Variants in DHX36 observed in about 807,000 individuals in gnomAD.
DHX36 encodes ATP-dependent DNA/RNA helicase DHX36.
A neutral mutation model predicts 139.0 loss-of-function variants in DHX36; 50 were observed. The observed-to-expected ratio is 0.36, with a 90% CI of 0.29 to 0.46. DHX36 has a LOEUF of 0.46. Among genes scored for constraint, DHX36 ranks in the 20% least tolerant of loss-of-function variants. The pLI is 1.00. For synonymous variants in DHX36, 425 were observed against 401.9 expected, an observed-to-expected ratio of 1.06 and a Z score of -0.69; for missense variants, 1,024 against 1,211.3, an observed-to-expected ratio of 0.85 and a Z score of 2.29.
rs1713189685 is a variant in DHX36 at position 154,321,651 on chromosome 3, T to C, written c.243+2523A>G. On this transcript the variant is annotated intron_variant, in intron 1 of 24. Coordinates refer to ENST00000496811, the MANE Select transcript of DHX36 (RefSeq NM_020865.3). ...TGTTGAAAGAACATTTGTTCAAGAA[T>C]GCATCATTAGAATGCATTCATTTTC... 5.9e-5 allele frequency among the ~76,000 whole-genome samples: 9 copies of C among 152,334 alleles called. No homozygotes were observed. The South Asian group carries it at 1.9e-3, about 32-fold the overall frequency.
In DHX36 at chr3:154,284,595, C is replaced by T; in HGVS notation, c.2280G>A (p.Val760=). The change falls in exon 19 of 25, where the codon GTG becomes GTA. Residue 760 remains valine, a synonymous_variant. Transcript: ENST00000496811. ...KDTRSDHLTV[V]NAFEGWEEAR... is the part of the protein sequence containing the mutation. ...TTTTTTTTTTTACCTCAAACGCATT[C>T]ACAACTGTTAAGTGATCACTTCTAG... The T allele has an allele frequency of 6.2e-7, 1 of 1,604,208 alleles. No individual in the cohort carries two copies. Among genetic ancestry groups the T allele is most frequent in the South Asian group, 1.1e-5 (1 of 88,206 alleles).
At chr3:154,286,009 G>GT (rs1445295440) in intron 17 of DHX36, among the ~76,000 whole-genome samples, 5 of 151,454 alleles carry the variant, frequency 3.3e-5, no homozygotes, top group African/African-American at 1.2e-4. Context: ...AGAAAAATTT[G>GT]TTTAATATTT....
chr3:154,315,178 G>A lies in DHX36; in HGVS notation c.471C>T (p.Ile157=). 6 of 1,613,166 alleles carry A rather than the reference G, an allele frequency of 3.7e-6. No individual in the cohort carries two copies. Among genetic ancestry groups the A allele is most frequent in the Non-Finnish European group, 5.1e-6 (6 of 1,179,548 alleles). Residue 157 remains isoleucine, a synonymous_variant, in exon 3 of 25, where the codon ATC becomes ATT. Transcript: ENST00000496811. ...LINQEKKMFR[I]RNRSYIDRDS... Reference sequence around the variant, plus strand: ...CTCGGTCAATATATGATCTGTTCCTGATTCTAAACATTTTTTTTTCTTGAT... The same window carrying A: ...CTCGGTCAATATATGATCTGTTCCTAATTCTAAACATTTTTTTTTCTTGAT...
intron 13 of DHX36, among the ~76,000 whole-genome samples, chr3:154,294,189 A>C (rs1353341041): frequency 1.3e-5 from 2 of 152,180 alleles, no homozygotes; most frequent in Admixed American, 6.5e-5. Flanking sequence ...AACACTGAAT[A>C]ATCAGGCAGA....
intron 17 of DHX36, among the ~76,000 whole-genome samples, chr3:154,286,677 A>G (rs1051691407): frequency 7.2e-5 from 11 of 152,086 alleles, no homozygotes; most frequent in African/African-American, 2.7e-4. Flanking sequence ...AAGACTCAAT[A>G]CTGTAAAGAT....
At chr3:154,307,691 A>G (rs1450968392) in intron 5 of DHX36, among the ~76,000 whole-genome samples, 2 of 152,112 alleles carry the variant, frequency 1.3e-5, no homozygotes, top group Non-Finnish European at 2.9e-5. Context: ...CACAGCCTCT[A>G]TAGAAAACAG....
intron 4 of DHX36, among the ~76,000 whole-genome samples, chr3:154,310,306 A>G (rs1051201517): frequency 2.0e-5 from 3 of 152,188 alleles, no homozygotes; most frequent in Admixed American, 2.0e-4. Context: ...GTCATTGAAT[A>G]TCTAAACCAA....
chr3:154,290,307 G>C (rs1365606514), intron 15 of DHX36, among the ~76,000 whole-genome samples: 1 of 152,102 alleles, frequency 6.6e-6, no homozygotes, highest in Non-Finnish European at 1.5e-5. Flanking sequence ...TATGTAACTA[G>C]AGCCATGAAT....
chr3:154,292,355 AAATAG>A (rs1161194384), intron 15 of DHX36, among the ~76,000 whole-genome samples, 191 bp downstream of exon 15: 1 of 152,230 alleles, frequency 6.6e-6, no homozygotes, highest in Non-Finnish European at 1.5e-5. Flanking sequence ...AAGATTCATA[AAATAG>A]AAAACTTGGC....
Position 154,283,257 on chromosome 3 carries a change from A to G in DHX36, c.2307T>C (p.Ala769=). ...VVNAFEGWEE[A]RRRGFRYEKD... ...TTTCGTATCTGAAACCACGTCGCCT[A>G]GCCTCTTCCCAGCCCTATGGGGCAA... The change falls in exon 20 of 25, where the codon GCT becomes GCC. Residue 769 remains alanine, a synonymous_variant. Coordinates refer to ENST00000496811, the MANE Select transcript of DHX36 (RefSeq NM_020865.3). 6.2e-7 allele frequency: 1 copy of G among 1,613,528 alleles called. No homozygotes were observed. Among genetic ancestry groups the G allele is most frequent in the Non-Finnish European group, 8.5e-7 (1 of 1,179,494 alleles).
chr3:154,281,365 TG>T (rs1719330856), intron 20 of DHX36, among the ~76,000 whole-genome samples: 2 of 151,816 alleles, frequency 1.3e-5, no homozygotes, highest in Non-Finnish European at 2.9e-5. Context: ...CTTAAGGTTT[TG>T]TTTTTTTTTT....
At chr3:154,284,271 C>T (rs1331903207) in intron 19 of DHX36, among the ~76,000 whole-genome samples, 1 of 152,148 alleles carries the variant, frequency 6.6e-6, no homozygotes, top group South Asian at 2.1e-4. Context: ...CCACCGCGCC[C>T]CGGAGTTCAA....
rs746541770 is a variant in DHX36 at position 154,315,095 on chromosome 3, A to C, written c.554T>G (p.Leu185Trp). 1 of 1,612,154 alleles carries C rather than the reference A, an allele frequency of 6.2e-7. No individual in the cohort carries two copies. Among genetic ancestry groups the C allele is most frequent in the South Asian group, 1.1e-5 (1 of 90,570 alleles). Residue 185 changes from leucine (L) to tryptophan (W), a missense_variant, in exon 3 of 25, where the codon TTG becomes TGG. Leu to Trp is a moderately conservative substitution (Grantham distance 61). Transcript: ENST00000496811. Reference sequence around the variant, plus strand: ...ATTTTTTTTCTTTTGTAAATCTTCCAATAATTTTTGGTCTAAAGTTCCATC... The same window carrying C: ...ATTTTTTTTCTTTTGTAAATCTTCCCATAATTTTTGGTCTAAAGTTCCATC... ...EPDGTLDQKL[L>W]EDLQKKKNDL...
chr3:154,295,045 A>G (rs1711986519), intron 13 of DHX36, among the ~76,000 whole-genome samples: 1 of 152,218 alleles, frequency 6.6e-6, no homozygotes, highest in African/African-American at 2.4e-5. Context: ...CCAATTCTTT[A>G]AACTTTTTCC....
intron 9 of DHX36, among the ~76,000 whole-genome samples, chr3:154,302,423 ATTGT>A (rs1323540476): frequency 5.3e-5 from 8 of 152,294 alleles, no homozygotes; most frequent in Non-Finnish European, 1.2e-4. Flanking sequence ...GGCAAGACAC[ATTGT>A]TTTATTTTTT....
intron 23 of DHX36, 33 bp downstream of exon 23, chr3:154,277,565 T>A: frequency 6.4e-7 from 1 of 1,565,186 alleles, no homozygotes; most frequent in Non-Finnish European, 8.7e-7. Flanking sequence ...AGACTGATAA[T>A]CAGATCCTTA....
chr3:154,294,800 T>C (rs931914055), intron 13 of DHX36, among the ~76,000 whole-genome samples: 3 of 152,224 alleles, frequency 2.0e-5, no homozygotes, highest in African/African-American at 4.8e-5. Context: ...TCTGAGAATG[T>C]AGTGTTCACT....
intron 4 of DHX36, among the ~76,000 whole-genome samples, 184 bp from the exon 5 acceptor site, chr3:154,310,007 C>A (rs568273338): frequency 6.6e-6 from 1 of 152,214 alleles, no homozygotes; most frequent in East Asian, 1.9e-4. Flanking sequence ...GAGATAAGTG[C>A]ACCAAATTAT....
rs1170756954 is a variant in DHX36 at position 154,324,403 on chromosome 3, T to C, written c.14A>G (p.Tyr5Cys). Residue 5 changes from tyrosine to cysteine, a missense_variant, in exon 1 of 25, where the codon TAC (tyrosine) becomes TGC (cysteine). Coordinates refer to ENST00000496811, the MANE Select transcript of DHX36 (RefSeq NM_020865.3). MSYD[Y>C]HQNWGRDGGP... The stretch of plus-strand genomic sequence containing the variant: ...CCCATCACGGCCCCAGTTCTGATGG[T>C]AGTCATAACTCATTGTCCTGGCAGA... 8 of 1,540,938 alleles carry C rather than the reference T, an allele frequency of 5.2e-6. No homozygotes were observed. The highest frequency in any genetic ancestry group is 1.8e-4 in the Middle Eastern group (1 of 5,634).
Sources: gnomAD v4.1 joint callset for allele counts (sites outside exome capture counted in the v4.1 genomes callset) on GRCh38, gnomAD v4.1.1 for gene constraint, MANE v1.5 for transcripts, NCBI Gene and HGNC (gene_info 2026-07-23, HGNC 2026-07-21) for gene names.